ENTPD1: variants seen among roughly 807,000 people sequenced by gnomAD.
ENTPD1 encodes ectonucleoside triphosphate diphosphohydrolase 1, also known as ATP diphosphohydrolase.
In ENTPD1, 33 loss-of-function variants were observed where a neutral mutation model predicts 57.0. That is an observed-to-expected ratio of 0.58 (90% CI 0.44 to 0.77). The LOEUF is 0.77. Among genes scored for constraint, ENTPD1 ranks in the 30% least tolerant of loss-of-function variants. The pLI is 0.00. For missense variants in ENTPD1, 501 were observed against 603.4 expected (o/e 0.83, Z 1.78); for synonymous variants, 202 against 218.8 (o/e 0.92, Z 0.68).
At chr10:95,799,548 A>G (rs2140323157) in intron 1 of ENTPD1, among the ~76,000 whole-genome samples, 1 of 152,172 alleles carries the variant, frequency 6.6e-6, no homozygotes, top group Middle Eastern at 3.4e-3. Context: ...TCTATGATTG[A>G]TGGGCATTTA....
intron 4 of ENTPD1, 151 bp downstream of exon 4, chr10:95,842,645 TA>T: frequency 1.1e-6 from 1 of 909,466 alleles, no homozygotes; most frequent in South Asian, 2.0e-5. Flanking sequence ...AGTAAGTGAA[TA>T]AAATGTTCAA....
chr10:95,799,339 T>C (rs888171050), intron 1 of ENTPD1, among the ~76,000 whole-genome samples: 21 of 152,270 alleles, frequency 1.4e-4, no homozygotes, highest in African/African-American at 4.8e-4. Flanking sequence ...TATGCCACTT[T>C]ATATATCCAT....
At chr10:95,717,191 A>G (rs958992955) in intron 1 of ENTPD1, among the ~76,000 whole-genome samples, 11 of 152,250 alleles carry the variant, frequency 7.2e-5, no homozygotes, top group African/African-American at 2.7e-4. Flanking sequence ...GGACAGTGTC[A>G]GGATAACTGT....
intron 1 of ENTPD1, chr10:95,712,036 T>G: frequency 6.2e-7 from 1 of 1,613,324 alleles, no homozygotes. Context: ...TCTCTCCCTC[T>G]GTGGAATCTG....
At chr10:95,788,435 G>A (rs2098189383) in intron 1 of ENTPD1, among the ~76,000 whole-genome samples, 1 of 152,002 alleles carries the variant, frequency 6.6e-6, no homozygotes, top group Non-Finnish European at 1.5e-5. Flanking sequence ...TGGCCAACAT[G>A]GTGAAACCCC....
chr10:95,800,338 A>T (rs2098243878), intron 1 of ENTPD1, among the ~76,000 whole-genome samples: 2 of 152,166 alleles, frequency 1.3e-5, no homozygotes. Flanking sequence ...ATGAACAGGG[A>T]GTAAGTCACA....
At chr10:95,816,861 G>A (rs2098331559) in intron 1 of ENTPD1, among the ~76,000 whole-genome samples, 1 of 152,170 alleles carries the variant, frequency 6.6e-6, no homozygotes, top group Non-Finnish European at 1.5e-5. Flanking sequence ...GCACCTTATA[G>A]GATTGTAGTG....
intron 1 of ENTPD1, among the ~76,000 whole-genome samples, chr10:95,809,582 C>G (rs1472464060): frequency 8.4e-6 from 1 of 118,600 alleles, no homozygotes; most frequent in Non-Finnish European, 1.9e-5. Context: ...GGCGCCCCCC[C>G]ACCTCCCAGA....
At chr10:95,864,328 G>A (rs2098470320) in intron 8 of ENTPD1, among the ~76,000 whole-genome samples, 1 of 152,210 alleles carries the variant, frequency 6.6e-6, no homozygotes, top group Non-Finnish European at 1.5e-5. Context: ...AGGGACTAAA[G>A]TGAGTGGTAA....
intron 1 of ENTPD1, among the ~76,000 whole-genome samples, chr10:95,746,755 A>T (rs530832167): frequency 6.6e-6 from 1 of 152,212 alleles, no homozygotes; most frequent in African/African-American, 2.4e-5. Flanking sequence ...TCATCTCTGG[A>T]TATCTGTAAG....
chr10:95,729,784 A>G (rs1000154129), intron 1 of ENTPD1, among the ~76,000 whole-genome samples: 9 of 152,154 alleles, frequency 5.9e-5, no homozygotes, highest in Admixed American at 1.3e-4. Context: ...CCCTTCCCCT[A>G]ATGTTCCTTT....
intron 1 of ENTPD1, among the ~76,000 whole-genome samples, chr10:95,819,336 G>C (rs2098340661): frequency 6.6e-6 from 1 of 151,788 alleles, no homozygotes; most frequent in Non-Finnish European, 1.5e-5. Flanking sequence ...GCTAATTTTT[G>C]TATTTTTTTT....
intron 1 of ENTPD1, among the ~76,000 whole-genome samples, chr10:95,800,878 A>T (rs1399791684): frequency 6.6e-6 from 1 of 152,156 alleles, no homozygotes; most frequent in Admixed American, 6.5e-5. Flanking sequence ...AACAATTTGT[A>T]CAGTTAACAC....
At chr10:95,799,767 G>A (rs115832233) in intron 1 of ENTPD1, among the ~76,000 whole-genome samples, 5,695 of 152,174 alleles carry the variant, frequency 0.037, 130 homozygotes, top group Non-Finnish European at 0.05. Flanking sequence ...GTGTATAAGC[G>A]TTCTTTTTTC....
rs1052404243 is a variant in ENTPD1, at chr10:95,838,178, C to G, written c.145-1513C>G. On this transcript the variant is annotated intron_variant, in intron 2 of 9. Coordinates refer to ENST00000371205, the MANE Select transcript of ENTPD1 (RefSeq NM_001776.6). ...TTAAAAGCACATGTGCCATCATGCT[C>G]TTCTCCCAAGTTCATATCAGATGTC... 5.9e-5 allele frequency among the ~76,000 whole-genome samples: 9 copies of G among 152,296 alleles called. 1 individual carries two copies. The highest frequency in any genetic ancestry group is 5.2e-4 in the Admixed American group (8 of 15,302).
In ENTPD1 at chr10:95,872,477, G is replaced by A. The variant is rs925677177; in HGVS notation, c.*6094G>A. ...CTTGGAATACTCTTGCACCTTCAAA[G>A]CTCATTTCAAATGCCCCTTCATTTG... On this transcript the variant is annotated 3_prime_UTR_variant, in exon 10 of 10. Transcript: ENST00000371205. 1 of 985,126 alleles carries A rather than the reference G, an allele frequency of 1.0e-6. No homozygotes were observed. The highest frequency in any genetic ancestry group is 1.7e-5 in the African/African-American group (1 of 57,332). The allele number at this position is 985,126 out of a possible 1,614,324, so 61.0% of individuals were successfully genotyped here.
chr10:95,774,334 A>C (rs1329002039), intron 1 of ENTPD1, among the ~76,000 whole-genome samples: 1 of 152,114 alleles, frequency 6.6e-6, no homozygotes, highest in East Asian at 1.9e-4. Context: ...CTTTAGTTTA[A>C]TTAGATCCCA....
At chr10:95,734,392 T>A (rs938791503) in intron 1 of ENTPD1, among the ~76,000 whole-genome samples, 2 of 152,140 alleles carry the variant, frequency 1.3e-5, no homozygotes, top group African/African-American at 4.8e-5. Context: ...TGGAACTTGC[T>A]CCATGCATAA....
intron 1 of ENTPD1, among the ~76,000 whole-genome samples, chr10:95,762,618 A>G (rs2098070318): frequency 6.6e-6 from 1 of 152,192 alleles, no homozygotes; most frequent in Admixed American, 6.5e-5. Flanking sequence ...TTCTCCTGTT[A>G]TTGAATATTG....
Sources: gnomAD v4.1 joint callset for allele counts (sites outside exome capture counted in the v4.1 genomes callset) on GRCh38, gnomAD v4.1.1 for gene constraint, MANE v1.5 for transcripts, NCBI Gene and HGNC (gene_info 2026-07-23, HGNC 2026-07-21) for gene names.